The following ABHD2 variants were observed in gnomAD, a reference collection of about 807,000 sequenced individuals.
ABHD2 encodes the protein abhydrolase domain containing 2, acylglycerol lipase.
ABHD2 carries 20 observed loss-of-function variants against 48.1 expected under a neutral mutation model. The ratio of observed to expected loss-of-function variants is 0.42; its 90% CI spans 0.29 to 0.60. The LOEUF (loss-of-function observed/expected upper bound fraction) is 0.60, where lower values mean the gene tolerates loss of function less well. Ranked by LOEUF, ABHD2 falls within the 20% of genes least tolerant of loss-of-function variation. The pLI is 0.24. For missense variants in ABHD2, 405 were observed against 550.9 expected (o/e 0.74, Z 2.65); for synonymous variants, 209 against 214.2 (o/e 0.98, Z 0.21).
chr15:89,084,522 C>T (rs145810621), upstream of ABHD2, among the ~76,000 whole-genome samples: 629 of 152,270 alleles, frequency 4.1e-3, 5 homozygotes, highest in African/African-American at 0.015. This position sits in a 1 kb window ranked among gnomAD's most constrained non-coding sequence, Gnocchi z 4.4. Flanking sequence ...TGGTCTCAAA[C>T]TCCTGGCTTC....
the ABHD2 span, among the ~76,000 whole-genome samples, chr15:89,052,520 GAGACAGAC>G: frequency 5.2e-4 from 74 of 142,432 alleles, no homozygotes; most frequent in East Asian, 2.5e-3. Flanking sequence ...TTTGGACCCA[GAGACAGAC>G]AGACAGACAG....
Position 89,175,230 on chromosome 15 carries a change from A to G in ABHD2, c.539-582A>G, listed in dbSNP as rs1055824667. Among the ~76,000 whole-genome samples, 1 of 152,050 alleles carries G rather than the reference A, an allele frequency of 6.6e-6. No individual in the cohort carries two copies. Among genetic ancestry groups the G allele is most frequent in the African/African-American group, 2.4e-5 (1 of 41,398 alleles). On this transcript the variant is annotated intron_variant, in intron 5 of 10. Coordinates refer to ENST00000352732, the MANE Select transcript of ABHD2 (RefSeq NM_152924.5). The surrounding 1 kb of genome is among the most constrained non-coding windows in gnomAD (Gnocchi z 5.7). ...CTTGCATTTATTTATTTATTTACTT[A>G]TTTTATTTTTTTGAGACAGGGTCTC...
intron 5 of ABHD2, among the ~76,000 whole-genome samples, chr15:89,158,557 T>A (rs115533232): frequency 2.0e-5 from 3 of 152,232 alleles, no homozygotes. Context: ...CTGCCACTGA[T>A]GCTGTGTGGC....
At chr15:89,150,881 C>G (rs1567092415) in intron 3 of ABHD2, among the ~76,000 whole-genome samples, 1 of 152,192 alleles carries the variant, frequency 6.6e-6, no homozygotes, top group East Asian at 1.9e-4. Flanking sequence ...TAAATGCAGT[C>G]ACCTTGTACT....
rs549349334 is a variant in ABHD2, at chr15:89,199,673, T to C, written c.*4250T>C. Reference sequence around the variant, plus strand: ...CCCTTTTTGCCCTTCTTGGCCTTACTCTGTTGTTCAAAGCCACTTTGGATT... The same window carrying C: ...CCCTTTTTGCCCTTCTTGGCCTTACCCTGTTGTTCAAAGCCACTTTGGATT... On this transcript the variant is annotated 3_prime_UTR_variant, in exon 11 of 11. Coordinates refer to ENST00000352732, the MANE Select transcript of ABHD2 (RefSeq NM_152924.5). This position sits in a 1 kb window ranked among gnomAD's most constrained non-coding sequence, Gnocchi z 4.1. The C allele has an allele frequency of 6.6e-6, 1 of 152,252 alleles. No homozygotes were observed. The highest frequency in any genetic ancestry group is 2.4e-5 in the African/African-American group (1 of 41,364). The allele number at this position is 152,252 out of a possible 1,614,324, so 9.4% of individuals were successfully genotyped here.
intron 3 of ABHD2, among the ~76,000 whole-genome samples, chr15:89,134,708 G>A (rs1340024592): frequency 1.3e-5 from 2 of 151,948 alleles, no homozygotes; most frequent in African/African-American, 4.8e-5. Flanking sequence ...AGGTAATTTA[G>A]GGAAAATTGA....
intron 3 of ABHD2, among the ~76,000 whole-genome samples, chr15:89,134,515 A>AT (rs1220572569): frequency 6.6e-6 from 1 of 152,170 alleles, no homozygotes; most frequent in African/African-American, 2.4e-5. Flanking sequence ...CCATCAGCAG[A>AT]TTGCAGCTTT....
the ABHD2 span, among the ~76,000 whole-genome samples, chr15:89,059,845 G>T: frequency 6.6e-6 from 1 of 152,088 alleles, no homozygotes; most frequent in African/African-American, 2.4e-5. Flanking sequence ...CTGCTGCAGG[G>T]TCCGTGGCCG....
chr15:89,096,224 C>T (rs1262585973), intron 1 of ABHD2, among the ~76,000 whole-genome samples: 1 of 152,214 alleles, frequency 6.6e-6, no homozygotes, highest in Non-Finnish European at 1.5e-5. Flanking sequence ...TGGCATTAGT[C>T]TCATTACATT....
chr15:89,049,818 C>T, the ABHD2 span, among the ~76,000 whole-genome samples: 1 of 152,222 alleles, frequency 6.6e-6, no homozygotes, highest in Non-Finnish European at 1.5e-5. Context: ...GAACCCGGTA[C>T]CTCAGATGGA....
rs1901595110 is a variant in ABHD2, at chr15:89,091,507, A to T, written c.-107+2944A>T. On this transcript the variant is annotated intron_variant, in intron 1 of 10. Transcript: ENST00000352732. This position sits in a 1 kb window ranked among gnomAD's most constrained non-coding sequence, Gnocchi z 5.5. ...GTGGATGAGCTTCTCATTTGCTGTT[A>T]CTCGTTGCTTTAAGCATTTACGCCT... Among the ~76,000 whole-genome samples the T allele has an allele frequency of 6.6e-6, 1 of 151,790 alleles. No homozygotes were observed. Among genetic ancestry groups the T allele is most frequent in the African/African-American group, 2.4e-5 (1 of 41,282 alleles).
rs758197119 is a variant in ABHD2, at chr15:89,184,508, G to A, written c.723-916G>A. ...GAGTGTGGACTCAGTGTCCGCCTGCGTTTGGATTCACGCCCAAGGGAGGAG... is the reference window on the plus strand; with the variant it reads ...GAGTGTGGACTCAGTGTCCGCCTGCATTTGGATTCACGCCCAAGGGAGGAG... On this transcript the variant is annotated intron_variant, in intron 6 of 10. Transcript: ENST00000352732. The surrounding 1 kb of genome is among the most constrained non-coding windows in gnomAD (Gnocchi z 5.1). Among the ~76,000 whole-genome samples the A allele has an allele frequency of 4.6e-5, 7 of 152,052 alleles. No individual in the cohort carries two copies. Among genetic ancestry groups the A allele is most frequent in the Non-Finnish European group, 5.9e-5 (4 of 68,008 alleles).
intron 5 of ABHD2, among the ~76,000 whole-genome samples, chr15:89,170,536 A>G (rs576266013): frequency 2.0e-5 from 3 of 152,186 alleles, no homozygotes; most frequent in Non-Finnish European, 2.9e-5. Flanking sequence ...ATGTTTACAT[A>G]CATATGCAGT....
intron 1 of ABHD2, among the ~76,000 whole-genome samples, chr15:89,093,127 A>C (rs1383449102): frequency 6.6e-6 from 1 of 150,600 alleles, no homozygotes; most frequent in Non-Finnish European, 1.5e-5. Context: ...TCTCCAGAGA[A>C]GCTTCCTGGC....
chr15:89,134,177 A>T (rs1044081243), intron 3 of ABHD2, among the ~76,000 whole-genome samples: 1 of 152,036 alleles, frequency 6.6e-6, no homozygotes. Context: ...AAATTTTTCA[A>T]TTGTTTCTTT....
intron 3 of ABHD2, chr15:89,135,900 C>T (rs1037677246): frequency 3.2e-5 from 20 of 618,340 alleles, no homozygotes; most frequent in African/African-American, 2.8e-4. Flanking sequence ...CGAAGGAGGC[C>T]TCTTGGGTGC....
At chr15:89,081,001 C>CTTTTTTTTTTTT in the ABHD2 span, among the ~76,000 whole-genome samples, 1 of 139,112 alleles carries the variant, frequency 7.2e-6, no homozygotes, top group African/African-American at 2.7e-5. Context: ...AATTTCATTC[C>CTTTTTTTTTTTT]TTTTTTTTTT....
At chr15:89,105,458 G>T (rs1189714973) in intron 1 of ABHD2, among the ~76,000 whole-genome samples, 1 of 152,348 alleles carries the variant, frequency 6.6e-6, no homozygotes, top group Admixed American at 6.5e-5. Flanking sequence ...ATGACTTTGT[G>T]GAAGAAATAT....
In ABHD2 at chr15:89,177,148, A is replaced by G. The variant is rs1376993588; in HGVS notation, c.722+1153A>G. Among the ~76,000 whole-genome samples, 2 of 152,176 alleles carry G rather than the reference A, an allele frequency of 1.3e-5. No homozygotes were observed. Reference sequence around the variant, plus strand: ...GAAACCCTTCCTGAGTCCCAGGACCAAGGTCTGGGTTCTATTTTTCCGTGC... The same window carrying G: ...GAAACCCTTCCTGAGTCCCAGGACCGAGGTCTGGGTTCTATTTTTCCGTGC... On this transcript the variant is annotated intron_variant, in intron 6 of 10. Transcript: ENST00000352732. The surrounding 1 kb of genome is among the most constrained non-coding windows in gnomAD (Gnocchi z 5.6).
Sources: allele counts gnomAD v4.1 joint callset (sites outside exome capture counted in the v4.1 genomes callset), GRCh38; gene constraint gnomAD v4.1.1; non-coding constraint Gnocchi (gnomAD v3.1); transcripts MANE v1.5; gene names NCBI Gene and HGNC (gene_info 2026-07-23, HGNC 2026-07-21).